The following ZFHX3 variants were observed in gnomAD, a reference collection of about 807,000 sequenced individuals.
ZFHX3 encodes the protein zinc finger homeobox 3.
In ZFHX3, 42 loss-of-function variants were observed where a neutral mutation model predicts 279.1. The observed-to-expected ratio is 0.15, with a 90% confidence interval of 0.12 to 0.19. The LOEUF (loss-of-function observed/expected upper bound fraction) is 0.19, where lower values mean the gene tolerates loss of function less well. ZFHX3 is among the 10% of genes least tolerant of loss of function. The pLI is 1.00. For missense variants in ZFHX3, 4,981 were observed against 4,754.0 expected (o/e 1.05, Z -1.40); for synonymous variants, 2,293 against 1,957.8 (o/e 1.17, Z -4.52).
chr16:73,540,841 A>G (rs1355820565), intron 2 of ZFHX3, among the ~76,000 whole-genome samples: 2 of 152,188 alleles, frequency 1.3e-5, no homozygotes, highest in African/African-American at 4.8e-5. Flanking sequence ...GAGGCCTCTG[A>G]GGACATCAGT....
chr16:73,643,865 C>T (rs2052595040), intron 2 of ZFHX3, among the ~76,000 whole-genome samples: 1 of 152,198 alleles, frequency 6.6e-6, no homozygotes, highest in African/African-American at 2.4e-5. Flanking sequence ...AGTCATACCC[C>T]ATTCCACCCT....
At chr16:73,560,701 G>A (rs7188383) in intron 2 of ZFHX3, among the ~76,000 whole-genome samples, 5,125 of 152,280 alleles carry the variant, frequency 0.034, 238 homozygotes, top group African/African-American at 0.1. Context: ...TGGACTACAC[G>A]AGTACTATCT....
upstream of ZFHX3, among the ~76,000 whole-genome samples, chr16:73,048,569 G>T (rs1965386202): frequency 6.6e-6 from 1 of 152,198 alleles, no homozygotes; most frequent in Non-Finnish European, 1.5e-5. Flanking sequence ...TCAGGGGCCG[G>T]CCTAGAATCG....
chr16:73,773,363 T>A (rs1473223775), intron 1 of ZFHX3, among the ~76,000 whole-genome samples: 1 of 152,212 alleles, frequency 6.6e-6, no homozygotes, highest in Non-Finnish European at 1.5e-5. Flanking sequence ...TGTGCTACAT[T>A]TTCCATTATC....
At chr16:73,632,971 C>G (rs1033870976) in intron 2 of ZFHX3, among the ~76,000 whole-genome samples, 2 of 151,894 alleles carry the variant, frequency 1.3e-5, no homozygotes, top group East Asian at 1.9e-4. Flanking sequence ...CCCAGCTACT[C>G]GGGAGGCTGA....
At chr16:73,850,232 T>C (rs1489417307) in intron 1 of ZFHX3, among the ~76,000 whole-genome samples, 1 of 152,234 alleles carries the variant, frequency 6.6e-6, no homozygotes, top group African/African-American at 2.4e-5. Flanking sequence ...CATTAGTTAT[T>C]AACCCACATG....
intron 2 of ZFHX3, among the ~76,000 whole-genome samples, chr16:73,647,306 G>A (rs1189338754): frequency 1.3e-5 from 2 of 152,186 alleles, no homozygotes; most frequent in South Asian, 2.1e-4. Context: ...ATAATTCTAA[G>A]TGATATAGTT....
chr16:73,534,930 G>C (rs1006873462), intron 2 of ZFHX3, among the ~76,000 whole-genome samples: 10 of 152,120 alleles, frequency 6.6e-5, no homozygotes, highest in African/African-American at 2.4e-4. Context: ...CATGGAGTGG[G>C]ATGCTGTTAG....
intron 1 of ZFHX3, among the ~76,000 whole-genome samples, chr16:73,835,504 C>G (rs1166244465): frequency 9.9e-6 from 1 of 101,342 alleles, no homozygotes; most frequent in Admixed American, 1.6e-4. Flanking sequence ...GAGTTTCACT[C>G]TTGTCATCAA....
At position 73,455,168 on chromosome 16, in the gene ZFHX3, G is replaced by C. The variant is rs74028662; in HGVS notation, c.-1291+835C>G. On this transcript the variant is annotated intron_variant, in intron 3 of 17. Coordinates refer to the ZFHX3 transcript ENST00000641206. ...AGAAAACAAGACCTACACAGACCTG[G>C]TTTTCATACCAGCCACACCTGCTTT... 2.2e-3 allele frequency among the ~76,000 whole-genome samples: 341 copies of C among 152,254 alleles called. 1 individual carries two copies. The highest frequency in any genetic ancestry group is 7.8e-3 in the African/African-American group (323 of 41,552).
intron 1 of ZFHX3, among the ~76,000 whole-genome samples, chr16:72,981,472 C>T (rs1251379378): frequency 5.9e-5 from 9 of 152,198 alleles, no homozygotes; most frequent in Admixed American, 2.6e-4. Flanking sequence ...ATATTTTTAA[C>T]ACTTTCAGTG....
At chr16:73,237,528 CTTTTTTTTTTTTT>C (rs886922274) in intron 5 of ZFHX3, among the ~76,000 whole-genome samples, 3 of 84,146 alleles carry the variant, frequency 3.6e-5, no homozygotes, top group Admixed American at 2.9e-4. Context: ...CAAATGCAGC[CTTTTTTTTTTTTT>C]TTTTTTTTTT....
At chr16:73,265,033 T>TAA (rs1555507005) in intron 4 of ZFHX3, among the ~76,000 whole-genome samples, 9 of 150,076 alleles carry the variant, frequency 6.0e-5, no homozygotes, top group East Asian at 2.0e-4. Flanking sequence ...TATATATATA[T>TAA]AACACCTCAG....
intron 4 of ZFHX3, among the ~76,000 whole-genome samples, chr16:73,312,372 C>T (rs1005090220): frequency 2.0e-5 from 3 of 151,974 alleles, no homozygotes; most frequent in African/African-American, 7.3e-5. Context: ...TCTTCTTTCA[C>T]ATAACTTCCA....
intron 4 of ZFHX3, among the ~76,000 whole-genome samples, chr16:72,876,689 C>T (rs2038324091): frequency 6.6e-6 from 1 of 152,188 alleles, no homozygotes; most frequent in African/African-American, 2.4e-5. Flanking sequence ...CCTGGCTGGT[C>T]CAATCTGGAA....
At chr16:73,058,441 C>T in intron 1 of ZFHX3, 1 of 181,238 alleles carries the variant, frequency 5.5e-6, no homozygotes, top group African/African-American at 2.4e-5. Flanking sequence ...CCGAGGAGCC[C>T]CGCGTCCGGG....
chr16:73,425,095 C>A (rs948270849), intron 3 of ZFHX3, among the ~76,000 whole-genome samples: 4 of 152,188 alleles, frequency 2.6e-5, no homozygotes, highest in African/African-American at 4.8e-5. Flanking sequence ...GTGCATAGCA[C>A]CTAATATAGT....
chr16:72,942,281 G>A (rs1279341630), intron 3 of ZFHX3, among the ~76,000 whole-genome samples: 1 of 152,150 alleles, frequency 6.6e-6, no homozygotes, highest in African/African-American at 2.4e-5. Context: ...TAAAACAACC[G>A]TAACACAACG....
chr16:72,997,453 T>C (rs1963339093), intron 1 of ZFHX3, among the ~76,000 whole-genome samples: 1 of 152,180 alleles, frequency 6.6e-6, no homozygotes. Flanking sequence ...TGAAGCCCCA[T>C]TGCCTCTGCC....
Sources: gnomAD v4.1 joint callset for allele counts (sites outside exome capture counted in the v4.1 genomes callset) on GRCh38, gnomAD v4.1.1 for gene constraint, MANE v1.5 for transcripts, NCBI Gene and HGNC (gene_info 2026-07-23, HGNC 2026-07-21) for gene names.